Variants in CACNA1B observed in about 807,000 individuals in gnomAD.
CACNA1B encodes voltage-dependent N-type calcium channel subunit alpha-1B.
In CACNA1B, 70 loss-of-function variants were observed where a neutral mutation model predicts 247.2. The ratio of observed to expected loss-of-function variants is 0.28; its 90% CI spans 0.23 to 0.35. CACNA1B has a LOEUF of 0.35. CACNA1B is among the 10% of genes least tolerant of loss of function. The pLI is 1.00. For missense variants in CACNA1B, 2,367 were observed against 3,197.4 expected, an observed-to-expected ratio of 0.74 and a Z score of 6.26; for synonymous variants, 1,231 against 1,294.4, an observed-to-expected ratio of 0.95 and a Z score of 1.05.
chr9:137,975,953 C>T lies in CACNA1B; in HGVS notation c.1590C>T (p.Ser530=). The part of the protein sequence containing the change: ...VFLGLFLTEM[S]LKMYGLGPRS... ...TGGGTCTCTTCCTCACAGAGATGTC[C>T]CTGAAGATGTATGGCCTGGGGCCCA... The change falls in exon 12 of 47, where the codon TCC becomes TCT. Residue 530 remains serine (S), a synonymous_variant. Coordinates refer to ENST00000371372, the MANE Select transcript of CACNA1B (RefSeq NM_000718.4). 1 of 1,613,630 alleles carries T rather than the reference C, an allele frequency of 6.2e-7. No individual in the cohort carries two copies. The highest frequency in any genetic ancestry group is 8.5e-7 in the Non-Finnish European group (1 of 1,179,550).
intron 31 of CACNA1B, among the ~76,000 whole-genome samples, chr9:138,066,173 C>T (rs1959907537): frequency 6.6e-6 from 1 of 152,214 alleles, no homozygotes; most frequent in African/African-American, 2.4e-5. Context: ...TGCAGGGGAG[C>T]TCTGAGGGTA....
intron 10 of CACNA1B, among the ~76,000 whole-genome samples, chr9:137,961,482 A>T (rs1388042491): frequency 6.6e-6 from 1 of 152,228 alleles, no homozygotes; most frequent in Non-Finnish European, 1.5e-5. Context: ...TTGCCCATTC[A>T]TGATGATATT....
At chr9:137,993,354 G>GTCTAGATAGATTAAACTTTTGTCTA (rs1554744042) in intron 15 of CACNA1B, among the ~76,000 whole-genome samples, 3 of 150,990 alleles carry the variant, frequency 2.0e-5, no homozygotes, top group African/African-American at 7.3e-5. Flanking sequence ...TTAAATTTTT[G>GTCTAGATAGATTAAACTTTTGTCTA]TCTAGATAGA....
At chr9:137,948,225 C>A (rs1957821071) in intron 6 of CACNA1B, among the ~76,000 whole-genome samples, 2 of 152,164 alleles carry the variant, frequency 1.3e-5, no homozygotes, top group Admixed American at 1.3e-4. Flanking sequence ...AGGTGATCTG[C>A]CTGCCTCGGC....
intron 31 of CACNA1B, among the ~76,000 whole-genome samples, chr9:138,062,361 C>T (rs1269024534): frequency 2.0e-5 from 3 of 152,202 alleles, no homozygotes; most frequent in Non-Finnish European, 4.4e-5. Context: ...TGTAGTGAAT[C>T]CCCATGAAGT....
At chr9:138,036,602 C>T (rs947636775) in intron 20 of CACNA1B, among the ~76,000 whole-genome samples, 8 of 152,194 alleles carry the variant, frequency 5.3e-5, no homozygotes, top group Non-Finnish European at 7.3e-5. Context: ...TGTCTTCTGC[C>T]TTCTGTTGTT....
chr9:138,049,738 T>C (rs1312671463), intron 24 of CACNA1B, among the ~76,000 whole-genome samples: 1 of 152,034 alleles, frequency 6.6e-6, no homozygotes, highest in Non-Finnish European at 1.5e-5. Flanking sequence ...CAGGGAGACC[T>C]CTGGTGCTTT....
intron 36 of CACNA1B, among the ~76,000 whole-genome samples, chr9:138,092,695 G>C (rs1960918353): frequency 1.3e-5 from 2 of 152,194 alleles, no homozygotes; most frequent in Admixed American, 1.3e-4. Context: ...ATTGATTGGG[G>C]AAGTGATAAA....
At chr9:138,047,267 A>G (rs968879906) in intron 22 of CACNA1B, 132 bp from the exon 23 acceptor site, 12 of 765,848 alleles carry the variant, frequency 1.6e-5, no homozygotes, top group Middle Eastern at 2.9e-4. Flanking sequence ...CCTTCCCAGA[A>G]CCGTTTTCCA....
chr9:138,053,450 C>T (rs1046113335), intron 25 of CACNA1B, among the ~76,000 whole-genome samples: 1 of 152,170 alleles, frequency 6.6e-6, no homozygotes, highest in Non-Finnish European at 1.5e-5. Flanking sequence ...GCCTGGGGGC[C>T]ACCTGGGCCT....
intron 10 of CACNA1B, among the ~76,000 whole-genome samples, chr9:137,961,932 T>C (rs1036365829): frequency 6.6e-6 from 1 of 152,198 alleles, no homozygotes. Flanking sequence ...TACAATTGTT[T>C]AGAATAGTTT....
chr9:138,036,881 A>G (rs1261553126), intron 20 of CACNA1B, among the ~76,000 whole-genome samples: 1 of 152,222 alleles, frequency 6.6e-6, no homozygotes, highest in Non-Finnish European at 1.5e-5. Context: ...ATAGCTGTAG[A>G]GCATTATTAC....
Position 138,052,251 on chromosome 9 carries a change from T to C in CACNA1B, c.3807+63T>C, listed in dbSNP as rs896860020. On this transcript the variant is annotated intron_variant, in intron 25 of 46. Transcript: ENST00000371372. The surrounding 1 kb of genome is among the most constrained non-coding windows in gnomAD (Gnocchi z 5.1). ...GTGTGTGTGCGTGTGTGTGTGTGCG[T>C]GTGTGTGTGTGTATGCATGCAGTGC... is the stretch of plus-strand genomic sequence containing the variant. 8.4e-5 allele frequency: 56 copies of C among 669,932 alleles called. No homozygotes were observed. Among genetic ancestry groups the C allele is most frequent in the East Asian group, 2.7e-4 (9 of 33,376 alleles). 41.5% of individuals were successfully genotyped at this position (669,932 alleles called of 1,614,324 possible).
intron 20 of CACNA1B, among the ~76,000 whole-genome samples, chr9:138,039,127 C>T (rs1959084070): frequency 6.6e-6 from 1 of 151,660 alleles, no homozygotes; most frequent in African/African-American, 2.4e-5. Flanking sequence ...ACCCAGGAGG[C>T]AGAGGTTGTA....
chr9:138,025,388 C>T (rs531155496), intron 20 of CACNA1B, among the ~76,000 whole-genome samples: 15 of 152,370 alleles, frequency 9.8e-5, no homozygotes, highest in Admixed American at 3.9e-4. Flanking sequence ...CTCCATTCTC[C>T]TTCCTTCCCA....
At chr9:137,889,626 C>T (rs113322749) in intron 3 of CACNA1B, among the ~76,000 whole-genome samples, 2,188 of 143,576 alleles carry the variant, frequency 0.015, 88 homozygotes, top group African/African-American at 0.051. Flanking sequence ...CCAGGTGGGG[C>T]GGTGGCGGGT....
At position 138,050,288 on chromosome 9, in the gene CACNA1B, C is replaced by T. The variant is rs1365653028; in HGVS notation, c.3710+973C>T. 6.6e-6 allele frequency among the ~76,000 whole-genome samples: 1 copy of T among 152,164 alleles called. No individual in the cohort carries two copies. Among genetic ancestry groups the T allele is most frequent in the South Asian group, 2.1e-4 (1 of 4,830 alleles). On this transcript the variant is annotated intron_variant, in intron 24 of 46. Transcript: ENST00000371372. The surrounding 1 kb of genome is among the most constrained non-coding windows in gnomAD (Gnocchi z 5.2). The stretch of plus-strand genomic sequence containing the variant: ...GGCGGGGAGCTGGGCTGGAGCTGGG[C>T]ATGGTCAGCCCTTGGTGAGGAGCTT...
Position 138,072,139 on chromosome 9 carries a change from T to A in CACNA1B, c.4675-1349T>A, listed in dbSNP as rs1960154274. Among the ~76,000 whole-genome samples, 1 of 152,228 alleles carries A rather than the reference T, an allele frequency of 6.6e-6. No individual in the cohort carries two copies. The highest frequency in any genetic ancestry group is 1.5e-5 in the Non-Finnish European group (1 of 68,038). On this transcript the variant is annotated intron_variant, in intron 32 of 46. Transcript: ENST00000371372. This position sits in a 1 kb window ranked among gnomAD's most constrained non-coding sequence, Gnocchi z 4.5. ...CTGAGGTCTACTGCTGCCGCCTTGC[T>A]GATTTGGATCATAGCCCGTCCTTGT...
In CACNA1B at chr9:138,096,466, C is replaced by T; in HGVS notation, c.5095-18C>T. 6.2e-7 allele frequency: 1 copy of T among 1,611,402 alleles called. No individual in the cohort carries two copies. The highest frequency in any genetic ancestry group is 8.5e-7 in the Non-Finnish European group (1 of 1,178,042). ...CTGAGGTCTCTCTCCGTCACCTGTT[C>T]TCCTTCCTGTCCTGCAGATGTTGAA... On this transcript the variant is annotated intron_variant, in intron 36 of 46. Transcript: ENST00000371372.
Sources: allele counts gnomAD v4.1 joint callset (sites outside exome capture counted in the v4.1 genomes callset), GRCh38; gene constraint gnomAD v4.1.1; non-coding constraint Gnocchi (gnomAD v3.1); transcripts MANE v1.5; gene names NCBI Gene and HGNC (gene_info 2026-07-23, HGNC 2026-07-21).